Variants in SCRG1 observed in about 807,000 individuals in gnomAD.
SCRG1 encodes the protein stimulator of chondrogenesis 1.
A neutral mutation model predicts 7.7 loss-of-function variants in SCRG1; 3 were observed. The observed-to-expected ratio is 0.39, with a 90% CI of 0.18 to 1.01. The LOEUF (loss-of-function observed/expected upper bound fraction) is 1.01. Among genes scored for constraint, SCRG1 ranks in the 50% least tolerant of loss-of-function variants. SCRG1 has a pLI of 0.36. For synonymous variants in SCRG1, 46 were observed against 41.2 expected, an observed-to-expected ratio of 1.12 and a Z score of -0.44; for missense variants, 110 against 117.2, an observed-to-expected ratio of 0.94 and a Z score of 0.28.
chr4:173,388,806 A>C (rs1739325899), intron 2 of SCRG1, among the ~76,000 whole-genome samples: 1 of 152,214 alleles, frequency 6.6e-6, no homozygotes, highest in Non-Finnish European at 1.5e-5. Context: ...AAATGTTACA[A>C]AGCTACTTAA....
At chr4:173,505,643 C>A in the SCRG1 span, among the ~76,000 whole-genome samples, 1 of 152,080 alleles carries the variant, frequency 6.6e-6, no homozygotes, top group East Asian at 1.9e-4. The surrounding 1 kb of genome is among the most constrained non-coding windows in gnomAD (Gnocchi z 4.4). Context: ...CCTAGGTTTG[C>A]CTGTTCTATC....
chr4:173,409,632 A>G (rs967869996), upstream of SCRG1, among the ~76,000 whole-genome samples: 3 of 132,404 alleles, frequency 2.3e-5, no homozygotes, highest in Middle Eastern at 5.0e-3. Context: ...TCTGTTGCCC[A>G]TGCTGGAGTG....
chr4:173,416,897 C>T, the SCRG1 span, among the ~76,000 whole-genome samples: 1 of 137,552 alleles, frequency 7.3e-6, no homozygotes, highest in Non-Finnish European at 1.5e-5. Context: ...ATCACATCAT[C>T]ACACACACAC....
the SCRG1 span, among the ~76,000 whole-genome samples, chr4:173,501,791 G>A: frequency 2.6e-5 from 4 of 152,318 alleles, no homozygotes; most frequent in Non-Finnish European, 5.9e-5. The surrounding 1 kb of genome is among the most constrained non-coding windows in gnomAD (Gnocchi z 5.1). Flanking sequence ...TCCTCCTGAG[G>A]TAATCTCATA....
At chr4:173,436,588 G>T in the SCRG1 span, among the ~76,000 whole-genome samples, 2 of 152,134 alleles carry the variant, frequency 1.3e-5, no homozygotes, top group Non-Finnish European at 2.9e-5. Flanking sequence ...AAACACTGAA[G>T]CAAAACAATC....
At chr4:173,475,853 T>C in the SCRG1 span, among the ~76,000 whole-genome samples, 2 of 152,048 alleles carry the variant, frequency 1.3e-5, no homozygotes, top group Non-Finnish European at 2.9e-5. Context: ...AAGACAAATA[T>C]GTAACTCCAC....
chr4:173,510,732 C>G, the SCRG1 span, among the ~76,000 whole-genome samples: 1 of 152,076 alleles, frequency 6.6e-6, no homozygotes, highest in African/African-American at 2.4e-5. The surrounding 1 kb of genome is among the most constrained non-coding windows in gnomAD (Gnocchi z 5.7). Flanking sequence ...AGTACCCACC[C>G]CGGCAACTGG....
the SCRG1 span, among the ~76,000 whole-genome samples, chr4:173,413,128 G>A: frequency 1.3e-5 from 2 of 150,794 alleles, no homozygotes; most frequent in Admixed American, 1.3e-4. Flanking sequence ...AAAAAAAAAA[G>A]AAAGAAAATA....
At chr4:173,423,910 G>A in the SCRG1 span, among the ~76,000 whole-genome samples, 1 of 152,124 alleles carries the variant, frequency 6.6e-6, no homozygotes, top group Non-Finnish European at 1.5e-5. Context: ...AAAGCAGAAA[G>A]GCAAGTGACA....
At chr4:173,393,341 G>C (rs1739506540) in intron 1 of SCRG1, among the ~76,000 whole-genome samples, 1 of 151,896 alleles carries the variant, frequency 6.6e-6, no homozygotes, top group South Asian at 2.1e-4. Flanking sequence ...TATTTCCTTA[G>C]AATTATCAAT....
chr4:173,426,538 C>T, the SCRG1 span, among the ~76,000 whole-genome samples: 1 of 152,208 alleles, frequency 6.6e-6, no homozygotes, highest in African/African-American at 2.4e-5. Flanking sequence ...ACGATCATGG[C>T]TCAATGCAGC....
chr4:173,429,330 G>A, the SCRG1 span, among the ~76,000 whole-genome samples: 3 of 152,114 alleles, frequency 2.0e-5, no homozygotes, highest in Non-Finnish European at 4.4e-5. Context: ...TGTCACCCAG[G>A]TTGGAGTGCA....
At chr4:173,466,946 A>C in the SCRG1 span, among the ~76,000 whole-genome samples, 1 of 152,156 alleles carries the variant, frequency 6.6e-6, no homozygotes, top group African/African-American at 2.4e-5. Flanking sequence ...ACAGGAAAAA[A>C]ATAAATTTGG....
the SCRG1 span, among the ~76,000 whole-genome samples, chr4:173,510,732 C>T: frequency 1.3e-5 from 2 of 152,076 alleles, no homozygotes; most frequent in Admixed American, 1.3e-4. The surrounding 1 kb of genome is among the most constrained non-coding windows in gnomAD (Gnocchi z 5.7). Context: ...AGTACCCACC[C>T]CGGCAACTGG....
At chr4:173,463,068 A>C in the SCRG1 span, among the ~76,000 whole-genome samples, 2 of 152,306 alleles carry the variant, frequency 1.3e-5, no homozygotes, top group South Asian at 4.1e-4. Context: ...ACCAGAAAAC[A>C]ACTAACAAAA....
chr4:173,399,507 T>TGA (rs35610855), upstream of SCRG1: 41,600 of 73,522 alleles, frequency 0.57, 12,655 homozygotes, highest in East Asian at 0.77. Context: ...TGTCTGTGTG[T>TGA]GAGAGAGAGA....
the SCRG1 span, among the ~76,000 whole-genome samples, chr4:173,426,556 A>G: frequency 6.6e-6 from 1 of 152,196 alleles, no homozygotes; most frequent in Non-Finnish European, 1.5e-5. Context: ...AGCCTCAACT[A>G]GGCTCAAGCG....
At chr4:173,413,631 G>C in the SCRG1 span, among the ~76,000 whole-genome samples, 2 of 152,190 alleles carry the variant, frequency 1.3e-5, no homozygotes, top group African/African-American at 4.8e-5. Flanking sequence ...GCCAGGTAAA[G>C]GTTCAGGAAA....
At chr4:173,509,741 G>A in the SCRG1 span, among the ~76,000 whole-genome samples, 47 of 152,292 alleles carry the variant, frequency 3.1e-4, no homozygotes, top group Admixed American at 3.0e-3. This position sits in a 1 kb window ranked among gnomAD's most constrained non-coding sequence, Gnocchi z 5.7. Flanking sequence ...CTTCTCGGGG[G>A]AGATATCCAG....
Sources: allele counts gnomAD v4.1 joint callset (sites outside exome capture counted in the v4.1 genomes callset), GRCh38; gene constraint gnomAD v4.1.1; non-coding constraint Gnocchi (gnomAD v3.1); transcripts MANE v1.5; gene names NCBI Gene and HGNC (gene_info 2026-07-23, HGNC 2026-07-21).